ZMAT1: variants seen among roughly 807,000 people sequenced by gnomAD.
The protein encoded by ZMAT1 is zinc finger matrin-type protein 1.
ZMAT1 carries 11 observed loss-of-function variants against 18.5 expected under a neutral mutation model. That is an observed-to-expected ratio of 0.59 (90% CI 0.37 to 0.98). The LOEUF is 0.98. Ranked by LOEUF, ZMAT1 falls within the 50% of genes least tolerant of loss-of-function variation. The pLI is 0.01. For synonymous variants in ZMAT1, 211 were observed against 176.4 expected (o/e 1.20, Z -1.55); for missense variants, 525 against 496.2 (o/e 1.06, Z -0.55).
chrX:101,910,833 G>A (rs1364981946), intron 1 of ZMAT1, among the ~76,000 whole-genome samples: 2 of 111,785 alleles, frequency 1.8e-5, no homozygotes, highest in Non-Finnish European at 3.8e-5. Context: ...GAAAGAGGAG[G>A]TAGAGAAAGA....
chrX:101,893,826 G>A (rs951964723), intron 4 of ZMAT1, among the ~76,000 whole-genome samples: 4 of 111,111 alleles, frequency 3.6e-5, no homozygotes, highest in Non-Finnish European at 7.5e-5. Flanking sequence ...GTGGCAGCAT[G>A]AACGAGGGCA....
intron 1 of ZMAT1, among the ~76,000 whole-genome samples, chrX:101,925,909 T>C (rs1930026877): frequency 8.9e-6 from 1 of 112,150 alleles, no homozygotes; most frequent in African/African-American, 3.2e-5. Flanking sequence ...GCCGGTAGCA[T>C]TCCATAGTTG....
chrX:101,912,094 G>A lies in ZMAT1; in HGVS notation c.293-7764C>T. 5 of 1,056,560 alleles carry A rather than the reference G, an allele frequency of 4.7e-6. No homozygotes were observed. In the South Asian group the frequency reaches 1.0e-4, roughly 22 times the overall value. 87.1% of individuals were successfully genotyped at this position (1,056,560 alleles called of 1,213,427 possible). The stretch of plus-strand genomic sequence containing the variant: ...GATAAACCCACTCCACATGTGCTGG[G>A]GACATGGGAAGACCTTAAGCCATAG... On this transcript the variant is annotated intron_variant, in intron 1 of 5. Transcript: ENST00000651725.
intron 1 of ZMAT1, among the ~76,000 whole-genome samples, chrX:101,905,563 C>A (rs1018506879): frequency 1.8e-5 from 2 of 111,826 alleles, no homozygotes; most frequent in South Asian, 7.4e-4. Flanking sequence ...AAATACAATA[C>A]ATCCAATTCC....
At chrX:101,890,145 CTA>C (rs1317577781) in intron 4 of ZMAT1, 1 of 111,802 alleles carries the variant, frequency 8.9e-6, no homozygotes, top group Non-Finnish European at 1.9e-5. Flanking sequence ...ATCTCCAAAT[CTA>C]TGTTTATCCC....
At position 101,911,679 on chromosome X, in the gene ZMAT1, G is replaced by A. The variant is rs762411423; in HGVS notation, c.293-7349C>T. 1.7e-4 allele frequency: 206 copies of A among 1,205,512 alleles called. No homozygotes were observed. In the South Asian group the frequency reaches 3.2e-3, roughly 19 times the overall value. On this transcript the variant is annotated intron_variant, in intron 1 of 5. Transcript: ENST00000651725. ...CAGCCCTACGAATGCAACCAGTGTG[G>A]CAGAGCCTTCAGCCAGCTTGCTCCC... is the stretch of plus-strand genomic sequence containing the variant.
chrX:101,884,594 C>T lies in ZMAT1; in HGVS notation c.1004G>A (p.Arg335Gln), dbSNP rs147524708. 1.1e-4 allele frequency: 131 copies of T among 1,208,586 alleles called. No individual in the cohort carries two copies. In the Middle Eastern group the frequency reaches 2.3e-3, roughly 21 times the overall value. Residue 335 changes from arginine (R) to glutamine (Q), a missense_variant, in exon 6 of 6, where the codon CGG (arginine) becomes CAG (glutamine). By Grantham distance (43) the Arg-to-Gln change is conservative. Transcript: ENST00000651725. Reference sequence around the variant, plus strand: ...AATATTGTATGGTGCTGCGTATGTCCGGAAAGTCTCAAATGGGAGTCTTTG... The same window carrying T: ...AATATTGTATGGTGCTGCGTATGTCTGGAAAGTCTCAAATGGGAGTCTTTG... The part of the protein sequence containing the change: ...FEQRLPFETF[R>Q]TYAAPYNISQ...
intron 1 of ZMAT1, among the ~76,000 whole-genome samples, chrX:101,924,108 A>G (rs1443699507): frequency 9.0e-6 from 1 of 111,270 alleles, no homozygotes; most frequent in Non-Finnish European, 1.9e-5. Flanking sequence ...AGGATAGAGG[A>G]GCAAGTTTTT....
chrX:101,905,901 A>AAC (rs35092842), intron 1 of ZMAT1, among the ~76,000 whole-genome samples: 45,798 of 105,717 alleles, frequency 0.43, 8,175 homozygotes, highest in African/African-American at 0.56. Flanking sequence ...AAAAAAAAAA[A>AAC]AAAACAAATA....
intron 4 of ZMAT1, chrX:101,889,098 T>G (rs1927181712): frequency 9.0e-6 from 1 of 111,670 alleles, no homozygotes; most frequent in Non-Finnish European, 1.9e-5. Flanking sequence ...ACCTTAGCCC[T>G]TGGCTTTTTC....
At chrX:101,894,725 TAA>T in intron 4 of ZMAT1, 2 of 749,840 alleles carry the variant, frequency 2.7e-6, no homozygotes, top group South Asian at 1.4e-4. Flanking sequence ...AACCAGAGCA[TAA>T]AGAGTTACAT....
intron 4 of ZMAT1, chrX:101,892,677 A>T: frequency 2.8e-6 from 2 of 715,467 alleles, no homozygotes; most frequent in African/African-American, 4.6e-5. Context: ...AACAAAACAA[A>T]TATAATAAAT....
chrX:101,914,732 G>A (rs1040778144), intron 1 of ZMAT1, among the ~76,000 whole-genome samples: 8 of 110,888 alleles, frequency 7.2e-5, no homozygotes, highest in Admixed American at 1.9e-4. Context: ...AGAAAAGCCC[G>A]GGACCTAATT....
chrX:101,912,554 C>T (rs763342073), intron 1 of ZMAT1, among the ~76,000 whole-genome samples: 8 of 111,801 alleles, frequency 7.2e-5, no homozygotes, highest in South Asian at 7.5e-4. Flanking sequence ...TGCTTATGAA[C>T]GGTGCAGGTT....
At chrX:101,901,773 T>C (rs998400378) in intron 2 of ZMAT1, among the ~76,000 whole-genome samples, 1 of 111,988 alleles carries the variant, frequency 8.9e-6, no homozygotes, top group Non-Finnish European at 1.9e-5. Context: ...AATCATTTGA[T>C]ACATATTCTT....
Position 101,932,022 on chromosome X carries a change from G to A in ZMAT1, c.-14C>T. ...CGCCGCCGCCATCGCAGCGAGGCGC[G>A]CGGACAATTGCACTTGCGTCTCGAT... is the stretch of plus-strand genomic sequence containing the variant. On this transcript the variant is annotated 5_prime_UTR_variant, in exon 1 of 6. Coordinates refer to ENST00000651725, the MANE Select transcript of ZMAT1 (RefSeq NM_001394560.1). 1.3e-6 allele frequency: 1 copy of A among 765,902 alleles called. No individual in the cohort carries two copies. Among genetic ancestry groups the A allele is most frequent in the African/African-American group, 2.3e-5 (1 of 44,112 alleles). The allele number at this position is 765,902 out of a possible 1,213,427, so 63.1% of individuals were successfully genotyped here.
At position 101,898,045 on chromosome X, in the gene ZMAT1, G is replaced by A; in HGVS notation, c.502-3C>T. 2 of 1,210,317 alleles carry A rather than the reference G, an allele frequency of 1.7e-6. No individual in the cohort carries two copies. The highest frequency in any genetic ancestry group is 1.1e-6 in the Non-Finnish European group (1 of 894,433). ...TCCACTCCTTCATACCTATGCACCT[G>A]AAATAGGCACAATCTTGTTAGAAAG... On this transcript the variant is annotated splice_region_variant and splice_polypyrimidine_tract_variant and intron_variant, in intron 3 of 5. Coordinates refer to ENST00000651725, the MANE Select transcript of ZMAT1 (RefSeq NM_001394560.1).
At chrX:101,923,532 A>G (rs914074861) in intron 1 of ZMAT1, among the ~76,000 whole-genome samples, 1 of 111,768 alleles carries the variant, frequency 8.9e-6, no homozygotes, top group Non-Finnish European at 1.9e-5. Context: ...AGTTAACACA[A>G]ACCTTTAAGG....
In ZMAT1 at chrX:101,883,628, T is replaced by G; in HGVS notation, c.1970A>C (p.Lys657Thr). ...SGKLKHRKKK[K>T]SHDVPSEKEE... ...TTTCTCGGAGGGTACATCATGGCTT[T>G]TTTTCTTTTTTCGATGCTTAAGCTT... is the stretch of plus-strand genomic sequence containing the variant. Residue 657 changes from lysine to threonine, a missense_variant, in exon 6 of 6, where the codon AAA becomes ACA. Transcript: ENST00000651725. 8.3e-7 allele frequency: 1 copy of G among 1,209,624 alleles called. No homozygotes were observed. The highest frequency in any genetic ancestry group is 3.0e-5 in the East Asian group (1 of 33,794).
Sources: gnomAD v4.1 joint callset for allele counts (sites outside exome capture counted in the v4.1 genomes callset) on GRCh38, gnomAD v4.1.1 for gene constraint, MANE v1.5 for transcripts, NCBI Gene and HGNC (gene_info 2026-07-23, HGNC 2026-07-21) for gene names.